The following GALNTL6 variants were observed in gnomAD, a reference collection of about 807,000 sequenced individuals.
GALNTL6 encodes the protein polypeptide N-acetylgalactosaminyltransferase-like 6.
Under a neutral mutation model 73.7 loss-of-function variants are expected in GALNTL6, and 46 were observed. That is an observed-to-expected ratio of 0.62 (90% CI 0.49 to 0.80). GALNTL6 has a LOEUF of 0.80. Ranked by LOEUF, GALNTL6 falls within the 30% of genes least tolerant of loss-of-function variation. GALNTL6 has a pLI of 0.00. For missense variants in GALNTL6, 604 were observed against 755.0 expected, an observed-to-expected ratio of 0.80 and a Z score of 2.34; for synonymous variants, 259 against 263.7, an observed-to-expected ratio of 0.98 and a Z score of 0.17.
At chr4:172,784,861 C>G (rs1004554108) in intron 5 of GALNTL6, among the ~76,000 whole-genome samples, 1 of 152,074 alleles carries the variant, frequency 6.6e-6, no homozygotes, top group African/African-American at 2.4e-5. Flanking sequence ...TAGATGCTAC[C>G]CCTATGCAGC....
chr4:172,743,902 GT>G (rs1736948240), intron 5 of GALNTL6, among the ~76,000 whole-genome samples: 1 of 64,598 alleles, frequency 1.5e-5, no homozygotes, highest in Non-Finnish European at 3.3e-5. Flanking sequence ...AAACAGATAA[GT>G]TAAATGAGAA....
chr4:172,532,300 G>T (rs1467085133), intron 5 of GALNTL6, among the ~76,000 whole-genome samples: 3 of 152,176 alleles, frequency 2.0e-5, no homozygotes, highest in Non-Finnish European at 1.5e-5. Context: ...CAAATTCCAT[G>T]TGATGATAGA....
chr4:171,886,277 C>G (rs1423407459), intron 2 of GALNTL6, among the ~76,000 whole-genome samples: 1 of 152,068 alleles, frequency 6.6e-6, no homozygotes, highest in Non-Finnish European at 1.5e-5. Flanking sequence ...TATACTGTTA[C>G]CTGTGCTGCC....
At chr4:172,475,848 A>G (rs1255642362) in intron 5 of GALNTL6, among the ~76,000 whole-genome samples, 1 of 152,244 alleles carries the variant, frequency 6.6e-6, no homozygotes, top group Non-Finnish European at 1.5e-5. Context: ...GTTTTAGTTT[A>G]AGGCCTCTGA....
rs191412585 is a variant in GALNTL6, at chr4:172,855,532, A to G, written c.924-27258A>G. 5.9e-3 allele frequency among the ~76,000 whole-genome samples: 898 copies of G among 152,308 alleles called. 9 individuals carry two copies. The highest frequency in any genetic ancestry group is 0.02 in the African/African-American group (842 of 41,572). On this transcript the variant is annotated intron_variant, in intron 7 of 12. Transcript: ENST00000506823. ...AAAGAATGACCAATTTCTGTGTTCT[A>G]ATCAGTCAGTCAAGGTCATGAGAGC...
intron 2 of GALNTL6, among the ~76,000 whole-genome samples, chr4:171,984,188 CA>C (rs1486748654): frequency 1.1e-4 from 17 of 152,254 alleles, no homozygotes; most frequent in Admixed American, 7.2e-4. Flanking sequence ...GCCAGGTCCC[CA>C]CTTTTACATT....
intron 5 of GALNTL6, among the ~76,000 whole-genome samples, chr4:172,520,971 A>AT (rs1302263396): frequency 1.3e-5 from 2 of 152,048 alleles, no homozygotes; most frequent in Non-Finnish European, 2.9e-5. Context: ...TCAAAAATAG[A>AT]TTTTTCCCTA....
chr4:172,496,038 T>C (rs1734060004), intron 5 of GALNTL6, among the ~76,000 whole-genome samples: 2 of 152,222 alleles, frequency 1.3e-5, no homozygotes, highest in Non-Finnish European at 2.9e-5. Flanking sequence ...TTGTATGTTA[T>C]GACAACTAAT....
rs189861770 is a variant in GALNTL6, at chr4:172,965,073, A to G, written c.1371+12815A>G. 9.7e-4 allele frequency among the ~76,000 whole-genome samples: 147 copies of G among 152,324 alleles called. 1 individual carries two copies. Among genetic ancestry groups the G allele is most frequent in the Non-Finnish European group, 1.4e-3 (96 of 68,030 alleles). The stretch of plus-strand genomic sequence containing the variant: ...AGCACTCATTCAGAGATGATTTATC[A>G]TTCAGACTGTATTAGACTTGACTTG... On this transcript the variant is annotated intron_variant, in intron 10 of 12. Transcript: ENST00000506823.
At chr4:172,447,386 A>G (rs1344978646) in intron 5 of GALNTL6, among the ~76,000 whole-genome samples, 1 of 152,120 alleles carries the variant, frequency 6.6e-6, no homozygotes, top group Non-Finnish European at 1.5e-5. Flanking sequence ...AGGGAGATAT[A>G]TGCATTTGTA....
chr4:172,494,495 A>T (rs1002174175), intron 5 of GALNTL6, among the ~76,000 whole-genome samples: 1 of 152,150 alleles, frequency 6.6e-6, no homozygotes, highest in African/African-American at 2.4e-5. Context: ...AGGATAGATG[A>T]ATATATGAAG....
chr4:171,979,754 G>GTCTCTGGCCAGGTTCCGAGCCAAGCTTC (rs1416699763), intron 2 of GALNTL6, among the ~76,000 whole-genome samples: 2 of 152,288 alleles, frequency 1.3e-5, no homozygotes, highest in Admixed American at 6.5e-5. Flanking sequence ...AAGAAACAAA[G>GTCTCTGGCCAGGTTCCGAGCCAAGCTTC]TCTCTGGCCA....
intron 2 of GALNTL6, among the ~76,000 whole-genome samples, chr4:171,906,953 G>A (rs1362562184): frequency 6.6e-6 from 1 of 152,038 alleles, no homozygotes; most frequent in Non-Finnish European, 1.5e-5. Flanking sequence ...AACCCTTCAT[G>A]CTAAAAACTC....
chr4:172,522,381 T>C (rs1042933352), intron 5 of GALNTL6, among the ~76,000 whole-genome samples: 2 of 152,206 alleles, frequency 1.3e-5, no homozygotes, highest in East Asian at 1.9e-4. Context: ...CGATAAAAAG[T>C]GTATTTTAGG....
intron 5 of GALNTL6, among the ~76,000 whole-genome samples, chr4:172,705,271 C>T (rs922964031): frequency 6.7e-6 from 1 of 149,522 alleles, no homozygotes; most frequent in Non-Finnish European, 1.5e-5. Context: ...TTCTTACTGC[C>T]TCCTTTTGTA....
intron 2 of GALNTL6, among the ~76,000 whole-genome samples, chr4:172,055,482 A>G (rs903951625): frequency 1.3e-5 from 2 of 152,162 alleles, no homozygotes; most frequent in Non-Finnish European, 2.9e-5. Flanking sequence ...AAATCCCACA[A>G]TAGGGCTCTT....
At chr4:172,160,667 T>A (rs1354329145) in intron 2 of GALNTL6, among the ~76,000 whole-genome samples, 1 of 151,998 alleles carries the variant, frequency 6.6e-6, no homozygotes, top group Non-Finnish European at 1.5e-5. Context: ...AAGAGAAATG[T>A]GGTCCCGAAG....
chr4:171,872,699 G>A (rs1033370957), intron 2 of GALNTL6, among the ~76,000 whole-genome samples: 4 of 152,242 alleles, frequency 2.6e-5, no homozygotes, highest in South Asian at 2.1e-4. Context: ...CTCCATCTGT[G>A]TGTGTCAGTC....
chr4:172,427,187 C>T (rs1319286156), intron 5 of GALNTL6, among the ~76,000 whole-genome samples: 1 of 151,924 alleles, frequency 6.6e-6, no homozygotes, highest in Non-Finnish European at 1.5e-5. Context: ...AAGACATACC[C>T]AAGACTGGGT....
Sources: allele counts gnomAD v4.1 joint callset (sites outside exome capture counted in the v4.1 genomes callset), GRCh38; gene constraint gnomAD v4.1.1; transcripts MANE v1.5; gene names NCBI Gene and HGNC (gene_info 2026-07-23, HGNC 2026-07-21).